The following NASP variants were observed in gnomAD, a reference collection of about 807,000 sequenced individuals.
NASP encodes the protein nuclear autoantigenic sperm protein.
In NASP, 24 loss-of-function variants were observed where a neutral mutation model predicts 89.5. That is an observed-to-expected ratio of 0.27 (90% CI 0.19 to 0.38). The LOEUF (loss-of-function observed/expected upper bound fraction) is 0.38, where lower values mean the gene tolerates loss of function less well. Among genes scored for constraint, NASP ranks in the 10% least tolerant of loss-of-function variants. The pLI, the probability that NASP is intolerant of heterozygous loss-of-function variation, is 1.00. For synonymous variants in NASP, 306 were observed against 324.7 expected, an observed-to-expected ratio of 0.94 and a Z score of 0.62; for missense variants, 848 against 921.4, an observed-to-expected ratio of 0.92 and a Z score of 1.03.
chr1:45,604,818 G>T, intron 3 of NASP, 118 bp from the exon 4 acceptor site: 1 of 734,164 alleles, frequency 1.4e-6, no homozygotes, highest in Non-Finnish European at 2.3e-6. Flanking sequence ...AAGCAAGAGG[G>T]GTATTGGTTT....
chr1:45,593,621 C>G (rs1643609349), intron 2 of NASP, among the ~76,000 whole-genome samples: 1 of 145,720 alleles, frequency 6.9e-6, no homozygotes, highest in African/African-American at 2.5e-5. Flanking sequence ...CTTCAAAGAA[C>G]ATGTTTATGT....
chr1:45,610,447 C>T (rs1210077275), intron 6 of NASP: 1 of 152,202 alleles, frequency 6.6e-6, no homozygotes, highest in Non-Finnish European at 1.5e-5. Flanking sequence ...CACTTACTTT[C>T]TGTGCTTTAT....
chr1:45,600,555 T>C (rs747216253), intron 2 of NASP: 20 of 751,860 alleles, frequency 2.7e-5, no homozygotes, highest in Non-Finnish European at 3.2e-5. Context: ...ATTCTTTTTG[T>C]TAGTGAATGA....
chr1:45,616,364 C>G lies in NASP; in HGVS notation c.2050C>G (p.Pro684Ala). Residue 684 changes from proline to alanine, a missense_variant, in exon 12 of 15, where the codon CCT (proline) becomes GCT (alanine). Transcript: ENST00000350030. ...GGAGAGTTCTACTTCAGGTTTCACT[C>G]CTGGTGGAGGAGGCTCTTCAGTCTC... Reference protein sequence around the residue: ...LVESSTSGFTPGGGGSSVSMI... With the variant: ...LVESSTSGFTAGGGGSSVSMI... 1 of 1,614,172 alleles carries G rather than the reference C, an allele frequency of 6.2e-7. No homozygotes were observed.
chr1:45,590,267 G>A (rs1475222962), intron 1 of NASP, among the ~76,000 whole-genome samples: 1 of 152,034 alleles, frequency 6.6e-6, no homozygotes, highest in East Asian at 1.9e-4. Context: ...TTTATCGGCC[G>A]GGCGCGGTGG....
rs753470323 is a variant in NASP at position 45,613,258 on chromosome 1, TAGCCACTCAGTACTGTTGTC to T, written c.1506+15_1506+34del. 58 of 1,607,706 alleles carry T rather than the reference TAGCCACTCAGTACTGTTGTC, an allele frequency of 3.6e-5. No homozygotes were observed. In the African/African-American group the frequency reaches 6.9e-4, roughly 19 times the overall value. The stretch of plus-strand genomic sequence containing the variant: ...AGTCCTTGAAAACAAGGTATGTTGT[TAGCCACTCAGTACTGTTGTC>T]AGCCTTTTTCTGTTTTTGGGAGACT... On this transcript the variant is annotated intron_variant, in intron 7 of 14. Coordinates refer to ENST00000350030, the MANE Select transcript of NASP (RefSeq NM_002482.4).
chr1:45,606,407 ACTGTATTTT>A, intron 4 of NASP, 66 bp from the exon 5 acceptor site: 1 of 968,040 alleles, frequency 1.0e-6, no homozygotes, highest in Non-Finnish European at 1.7e-6. Context: ...ATAATATAGG[ACTGTATTTT>A]CTGTCTTAGA....
At chr1:45,592,505 T>A (rs1377444577) in intron 2 of NASP, among the ~76,000 whole-genome samples, 1 of 152,140 alleles carries the variant, frequency 6.6e-6, no homozygotes, top group Non-Finnish European at 1.5e-5. Flanking sequence ...TTAGAATATC[T>A]TACAAATATT....
At position 45,607,751 on chromosome 1, in the gene NASP, G is replaced by C; in HGVS notation, c.840G>C (p.Glu280Asp). 1 of 1,614,138 alleles carries C rather than the reference G, an allele frequency of 6.2e-7. No homozygotes were observed. The highest frequency in any genetic ancestry group is 2.2e-5 in the East Asian group (1 of 44,882). ...IEEKPKEVSE[E>D]QPVVTLEKQG... ...AGAAGCCAAAAGAAGTTTCAGAAGA[G>C]CAGCCTGTGGTGACTCTAGAAAAGC... is the stretch of plus-strand genomic sequence containing the variant. The change falls in exon 6 of 15, where the codon GAG becomes GAC. Residue 280 changes from glutamate to aspartate, a missense_variant. Glu to Asp is a conservative substitution (Grantham distance 45, BLOSUM62 2). Transcript: ENST00000350030.
chr1:45,592,355 C>T (rs754148537), intron 2 of NASP, among the ~76,000 whole-genome samples: 1 of 152,148 alleles, frequency 6.6e-6, no homozygotes, highest in Non-Finnish European at 1.5e-5. Flanking sequence ...TCAAGCAATC[C>T]CCCTGCCTTG....
At chr1:45,613,840 T>A (rs958535327) in intron 7 of NASP, among the ~76,000 whole-genome samples, 2 of 152,110 alleles carry the variant, frequency 1.3e-5, no homozygotes, top group Non-Finnish European at 2.9e-5. Context: ...TAGGGACCCT[T>A]TATTCATGCC....
At chr1:45,596,202 G>C (rs1643689952) in intron 2 of NASP, among the ~76,000 whole-genome samples, 2 of 152,178 alleles carry the variant, frequency 1.3e-5, no homozygotes, top group South Asian at 4.1e-4. Context: ...CTAATACTTT[G>C]ACTGTTCTGA....
chr1:45,589,463 A>G (rs758908075), intron 1 of NASP, among the ~76,000 whole-genome samples: 1 of 152,132 alleles, frequency 6.6e-6, no homozygotes, highest in Non-Finnish European at 1.5e-5. Flanking sequence ...CAAACAAATT[A>G]CCAAGTAATT....
rs117234423 is a variant in NASP, at chr1:45,593,252, G to A, written c.107+1982G>A. Among the ~76,000 whole-genome samples the A allele has an allele frequency of 3.0e-3, 461 of 152,066 alleles. 4 individuals carry two copies. Among genetic ancestry groups the A allele is most frequent in the East Asian group, 0.022 (115 of 5,182 alleles). ...ATTAGTTGTGTTTAGAAATAACTCC[G>A]GCCAGGCAGGTGGCTCATGTCTGTA... is the stretch of plus-strand genomic sequence containing the variant. On this transcript the variant is annotated intron_variant, in intron 2 of 14. Coordinates refer to ENST00000350030, the MANE Select transcript of NASP (RefSeq NM_002482.4).
At chr1:45,584,914 G>GC (rs1308586162) in intron 1 of NASP, among the ~76,000 whole-genome samples, 1 of 152,266 alleles carries the variant, frequency 6.6e-6, no homozygotes, top group Admixed American at 6.5e-5. Flanking sequence ...GACTCCGTGA[G>GC]CCCCTGCCTG....
In NASP at chr1:45,614,898, T is replaced by C. The variant is rs993042695; in HGVS notation, c.1667-115T>C. On this transcript the variant is annotated intron_variant, in intron 9 of 14. Coordinates refer to ENST00000350030, the MANE Select transcript of NASP (RefSeq NM_002482.4). Reference sequence around the variant, plus strand: ...TAGCCAAGGGTCCTGGAAATAACTATAAACAAAAATGGAATGTTAAATATG... The same window carrying C: ...TAGCCAAGGGTCCTGGAAATAACTACAAACAAAAATGGAATGTTAAATATG... The C allele has an allele frequency of 7.5e-6, 7 of 930,670 alleles. No individual in the cohort carries two copies. The African/African-American group carries it at 1.2e-4, about 16-fold the overall frequency. 57.7% of individuals were successfully genotyped at this position (930,670 alleles called of 1,614,324 possible).
intron 1 of NASP, among the ~76,000 whole-genome samples, chr1:45,586,089 A>G (rs1217288399): frequency 6.6e-6 from 1 of 151,176 alleles, no homozygotes; most frequent in Non-Finnish European, 1.5e-5. Flanking sequence ...GCTAGAAGAA[A>G]GCAAACCATT....
intron 1 of NASP, among the ~76,000 whole-genome samples, chr1:45,586,586 G>T (rs1249324224): frequency 6.6e-6 from 1 of 152,128 alleles, no homozygotes; most frequent in Non-Finnish European, 1.5e-5. Flanking sequence ...ACCAAGCCTG[G>T]CTAGTATTTT....
chr1:45,615,263 A>T, intron 10 of NASP, 42 bp from the exon 11 acceptor site: 2 of 1,611,556 alleles, frequency 1.2e-6, no homozygotes, highest in East Asian at 4.5e-5. Flanking sequence ...GGAAGAAAAC[A>T]GTTCTTTTTT....
Sources: allele counts gnomAD v4.1 joint callset (sites outside exome capture counted in the v4.1 genomes callset), GRCh38; gene constraint gnomAD v4.1.1; transcripts MANE v1.5; gene names NCBI Gene and HGNC (gene_info 2026-07-23, HGNC 2026-07-21).